The following ATM variants were observed in gnomAD, a reference collection of about 807,000 sequenced individuals.
The protein encoded by ATM is ATM serine/threonine kinase.
A neutral mutation model predicts 387.0 loss-of-function variants in ATM; 308 were observed. The ratio of observed to expected loss-of-function variants is 0.80; its 90% CI spans 0.73 to 0.87. ATM has a LOEUF of 0.87. Ranked by LOEUF, ATM falls within the 40% of genes least tolerant of loss-of-function variation. The pLI, the probability that ATM is intolerant of heterozygous loss-of-function variation, is 0.00. For missense variants in ATM, 3,312 were observed against 3,560.9 expected (o/e 0.93, Z 1.78); for synonymous variants, 1,156 against 1,187.3 (o/e 0.97, Z 0.54).
intron 52 of ATM, 138 bp downstream of exon 52, chr11:108,332,175 C>A: frequency 8.8e-7 from 1 of 1,130,520 alleles, no homozygotes; most frequent in Admixed American, 2.2e-5. Flanking sequence ...CGCCTGTAAT[C>A]CCAGCACTTT....
chr11:108,301,426 T>C (rs1387806288), intron 34 of ATM, among the ~76,000 whole-genome samples: 7 of 152,324 alleles, frequency 4.6e-5, no homozygotes, highest in Middle Eastern at 3.4e-3. Flanking sequence ...TTAAACTGTA[T>C]TGAATGAAGG....
chr11:108,225,441 G>A (rs1441996942), intron 1 of ATM: 1 of 152,186 alleles, frequency 6.6e-6, no homozygotes, highest in African/African-American at 2.4e-5. Context: ...AGAGCCATCT[G>A]CTAATAAAAT....
chr11:108,316,549 A>G (rs941774225), intron 42 of ATM, among the ~76,000 whole-genome samples: 7 of 152,102 alleles, frequency 4.6e-5, no homozygotes, highest in African/African-American at 1.7e-4. Context: ...CTTCCATGAA[A>G]TATTAGAGCC....
At chr11:108,355,090 T>TA (rs2137368039) in intron 61 of ATM, 1 of 567,208 alleles carries the variant, frequency 1.8e-6, no homozygotes, top group East Asian at 2.9e-5. Flanking sequence ...CTTGGAATGT[T>TA]AGAGCATTGT....
At chr11:108,224,387 A>G (rs1408152048) in intron 1 of ATM, 6 of 152,246 alleles carry the variant, frequency 3.9e-5, no homozygotes, top group African/African-American at 1.2e-4. Flanking sequence ...TGAGATCTAA[A>G]AAGGAACACT....
At chr11:108,341,908 G>A (rs1181167351) in intron 56 of ATM, among the ~76,000 whole-genome samples, 12 of 152,232 alleles carry the variant, frequency 7.9e-5, no homozygotes, top group Non-Finnish European at 1.8e-4. Flanking sequence ...ATAGTTATTT[G>A]GCAATATCTG....
At chr11:108,229,380 T>TA (rs2135041611) in intron 4 of ATM, 57 bp downstream of exon 4, 1 of 1,476,950 alleles carries the variant, frequency 6.8e-7, no homozygotes, top group Non-Finnish European at 9.2e-7. Flanking sequence ...TCGCGTGAGT[T>TA]TTTTTTTTTT....
chr11:108,227,634 G>T lies in ATM; in HGVS notation c.10G>T (p.Val4Leu), dbSNP rs1438588853. Residue 4 changes from valine to leucine, a missense_variant, in exon 2 of 63, where the codon GTA becomes TTA. Coordinates refer to ENST00000675843, the MANE Select transcript of ATM (RefSeq NM_000051.4). ...TCTGAAATTGTGAACCATGAGTCTA[G>T]TACTTAATGATCTGCTTATCTGCTG... is the stretch of plus-strand genomic sequence containing the variant. The part of the protein sequence containing the change: MSL[V>L]LNDLLICCRQ... 2 of 1,613,478 alleles carry T rather than the reference G, an allele frequency of 1.2e-6. No individual in the cohort carries two copies. Among genetic ancestry groups the T allele is most frequent in the Non-Finnish European group, 1.7e-6 (2 of 1,179,798 alleles).
In ATM at chr11:108,246,956, G is replaced by T. The variant is rs777483294; in HGVS notation, c.902-8G>T. 6 of 1,602,582 alleles carry T rather than the reference G, an allele frequency of 3.7e-6. No individual in the cohort carries two copies. The African/African-American group carries it at 8.0e-5, about 21-fold the overall frequency. ...ATAAAAATTACATTTTAATTTTTTG[G>T]ATTACAGGTGCTTATGAATCAACAA... On this transcript the variant is annotated splice_polypyrimidine_tract_variant and splice_region_variant and intron_variant, in intron 7 of 62. Coordinates refer to ENST00000675843, the MANE Select transcript of ATM (RefSeq NM_000051.4).
intron 30 of ATM, among the ~76,000 whole-genome samples, 193 bp from the exon 31 acceptor site, chr11:108,293,120 C>G (rs2082896537): frequency 6.6e-6 from 1 of 152,062 alleles, no homozygotes; most frequent in African/African-American, 2.4e-5. Flanking sequence ...CAGTACCCAT[C>G]TTGTAGTAGT....
In ATM at chr11:108,246,982, A is replaced by G. The variant is rs1472555147; in HGVS notation, c.920A>G (p.Lys307Arg). 2 of 1,611,612 alleles carry G rather than the reference A, an allele frequency of 1.2e-6. No individual in the cohort carries two copies. The highest frequency in any genetic ancestry group is 2.2e-5 in the South Asian group (2 of 90,914). ...ATTACAGGTGCTTATGAATCAACAA[A>G]ATGGAGAAGTATTTTATACAACTTA... Reference protein sequence around the residue: ...TQEKGAYESTKWRSILYNLYD... With the variant: ...TQEKGAYESTRWRSILYNLYD... The change falls in exon 8 of 63, where the codon AAA (lysine) becomes AGA (arginine). Residue 307 changes from lysine to arginine, a missense_variant. Lys to Arg is a conservative substitution (Grantham distance 26). This residue lies in a region of ATM where 1,791 missense variants were observed against 1,804.5 expected (regional missense o/e 0.99). Coordinates refer to ENST00000675843, the MANE Select transcript of ATM (RefSeq NM_000051.4).
intron 37 of ATM, among the ~76,000 whole-genome samples, chr11:108,305,343 G>A (rs1418898038): frequency 6.6e-6 from 1 of 152,218 alleles, no homozygotes; most frequent in Non-Finnish European, 1.5e-5. Context: ...ACTTTGGGAT[G>A]CCAAGGTTGG....
At chr11:108,266,481 G>T (rs1259318141) in intron 16 of ATM, among the ~76,000 whole-genome samples, 2 of 124,008 alleles carry the variant, frequency 1.6e-5, no homozygotes, top group East Asian at 4.9e-4. Flanking sequence ...TCTGTGGACT[G>T]TTGTGGGGTG....
chr11:108,329,218 A>G lies in ATM; in HGVS notation c.7287A>G (p.Glu2429=), dbSNP rs1414815406. The part of the protein sequence containing the change: ...RAKEEVGLLR[E]HKIQTNRYTV... Reference sequence around the variant, plus strand: ...AAGAGGAAGTAGGTCTCCTTAGGGAACATAAAATTCAGACAAACAGGTAAC... The same window carrying G: ...AAGAGGAAGTAGGTCTCCTTAGGGAGCATAAAATTCAGACAAACAGGTAAC... Residue 2429 remains glutamate (E), a synonymous_variant, in exon 49 of 63, where the codon GAA becomes GAG. Coordinates refer to ENST00000675843, the MANE Select transcript of ATM (RefSeq NM_000051.4). 3.1e-6 allele frequency: 5 copies of G among 1,613,624 alleles called. No individual in the cohort carries two copies. Among genetic ancestry groups the G allele is most frequent in the Non-Finnish European group, 4.2e-6 (5 of 1,179,684 alleles).
At chr11:108,289,974 C>T (rs1390974337) in intron 29 of ATM, 173 bp downstream of exon 29, 2 of 590,150 alleles carry the variant, frequency 3.4e-6, no homozygotes, top group Non-Finnish European at 5.9e-6. Context: ...CCTTCCTCCT[C>T]ACCCTGCCGG....
intron 42 of ATM, among the ~76,000 whole-genome samples, chr11:108,317,098 T>A (rs1280959979): frequency 6.1e-5 from 5 of 81,914 alleles, no homozygotes; most frequent in Non-Finnish European, 8.9e-5. Context: ...CATACCCAGC[T>A]ATTTTAAAAA....
At chr11:108,254,131 G>A in intron 13 of ATM, 92 bp downstream of exon 13, 1 of 1,241,412 alleles carries the variant, frequency 8.1e-7, no homozygotes, top group Non-Finnish European at 1.1e-6. Context: ...AAAACAGCAA[G>A]GATGGTGGGA....
chr11:108,304,581 A>G (rs1371582948), intron 36 of ATM, 94 bp from the exon 37 acceptor site: 4 of 1,215,784 alleles, frequency 3.3e-6, no homozygotes, highest in Non-Finnish European at 4.7e-6. Context: ...TTAGAAATTT[A>G]ATATGTCAAC....
intron 59 of ATM, among the ~76,000 whole-genome samples, chr11:108,353,037 T>C (rs2089401663): frequency 1.3e-5 from 2 of 152,182 alleles, no homozygotes; most frequent in South Asian, 2.1e-4. Context: ...AGTAGTAGTA[T>C]AGTTTTGCAG....
Sources: gnomAD v4.1 joint callset for allele counts (sites outside exome capture counted in the v4.1 genomes callset) on GRCh38, gnomAD v4.1.1 for gene constraint, gnomAD v4.1.1 regional missense constraint, MANE v1.5 for transcripts, NCBI Gene and HGNC (gene_info 2026-07-23, HGNC 2026-07-21) for gene names.